NCBP1: variants seen among roughly 807,000 people sequenced by gnomAD.
NCBP1 encodes nuclear cap-binding protein subunit 1.
A neutral mutation model predicts 111.7 loss-of-function variants in NCBP1; 16 were observed. That is an observed-to-expected ratio of 0.14 (90% CI 0.10 to 0.22). NCBP1 has a LOEUF of 0.22. Among genes scored for constraint, NCBP1 ranks in the 10% least tolerant of loss-of-function variants. NCBP1 has a pLI of 1.00. For missense variants in NCBP1, 607 were observed against 957.5 expected (o/e 0.63, Z 4.83); for synonymous variants, 304 against 314.3 (o/e 0.97, Z 0.35).
intron 8 of NCBP1, among the ~76,000 whole-genome samples, chr9:97,648,682 A>G (rs1827414527): frequency 1.3e-5 from 2 of 152,210 alleles, no homozygotes; most frequent in East Asian, 3.8e-4. Flanking sequence ...TGTCTGTCAC[A>G]TGATGAATGC....
At chr9:97,657,156 CG>C (rs1180471733) in intron 14 of NCBP1, among the ~76,000 whole-genome samples, 1 of 151,972 alleles carries the variant, frequency 6.6e-6, no homozygotes, top group Non-Finnish European at 1.5e-5. Context: ...TTAGTAGAGA[CG>C]GGGTTTCACT....
intron 1 of NCBP1, among the ~76,000 whole-genome samples, chr9:97,637,126 G>C (rs1442023220): frequency 6.6e-6 from 1 of 152,098 alleles, no homozygotes; most frequent in Non-Finnish European, 1.5e-5. Context: ...ATAGCAGAGG[G>C]TTGCATCTTA....
chr9:97,669,712 T>G lies in NCBP1; in HGVS notation c.2259+6T>G, dbSNP rs761869923. 2.6e-6 allele frequency: 4 copies of G among 1,541,476 alleles called. No individual in the cohort carries two copies. Among genetic ancestry groups the G allele is most frequent in the Non-Finnish European group, 3.6e-6 (4 of 1,113,894 alleles). On this transcript the variant is annotated splice_donor_region_variant and intron_variant, in intron 22 of 22. Coordinates refer to ENST00000375147, the MANE Select transcript of NCBP1 (RefSeq NM_002486.5). ...TGCAGCAGATCTTCCTACAGGTATGTGGGGAACTTCGATTAGGTAATAACA... is the reference window on the plus strand; with the variant it reads ...TGCAGCAGATCTTCCTACAGGTATGGGGGGAACTTCGATTAGGTAATAACA...
At position 97,666,798 on chromosome 9, in the gene NCBP1, G is replaced by A. The variant is rs372649867; in HGVS notation, c.1937G>A (p.Arg646His). 3.7e-6 allele frequency: 6 copies of A among 1,608,004 alleles called. No individual in the cohort carries two copies. Among genetic ancestry groups the A allele is most frequent in the South Asian group, 1.1e-5 (1 of 89,512 alleles). The change falls in exon 20 of 23, where the codon CGT (arginine) becomes CAT (histidine). Residue 646 changes from arginine to histidine, a missense_variant. Physicochemically the swap from Arg to His is conservative, Grantham distance 29. This residue lies in a region of NCBP1 where 282 missense variants were observed against 376.5 expected (regional missense o/e 0.75). Transcript: ENST00000375147. ...FVWEILHSTI[R>H]KMNKHVLKIQ... ...TGGGAAATTTTGCACTCTACAATTC[G>A]TAAGATGAACAAACATGTCCTGAAG...
intron 19 of NCBP1, 67 bp from the exon 20 acceptor site, chr9:97,666,696 G>A: frequency 9.1e-7 from 1 of 1,096,322 alleles, no homozygotes; most frequent in Admixed American, 2.6e-5. Context: ...AATTACAAAA[G>A]TTGAAAGATT....
At chr9:97,644,825 A>C (rs1219675449) in intron 4 of NCBP1, among the ~76,000 whole-genome samples, 3 of 152,248 alleles carry the variant, frequency 2.0e-5, no homozygotes, top group Non-Finnish European at 4.4e-5. Context: ...AACCATAGAC[A>C]ATATGTAACT....
intron 10 of NCBP1, among the ~76,000 whole-genome samples, chr9:97,651,656 A>T (rs1023408852): frequency 6.6e-6 from 1 of 152,192 alleles, no homozygotes; most frequent in South Asian, 2.1e-4. Flanking sequence ...TGGATAATGT[A>T]AGTTACCTCT....
chr9:97,660,958 G>A lies in NCBP1; in HGVS notation c.1490G>A (p.Gly497Glu). 6.2e-7 allele frequency: 1 copy of A among 1,610,428 alleles called. No individual in the cohort carries two copies. Among genetic ancestry groups the A allele is most frequent in the Non-Finnish European group, 8.5e-7 (1 of 1,178,760 alleles). Residue 497 changes from glycine to glutamate, a missense_variant, in exon 16 of 23, where the codon GGA (glycine) becomes GAA (glutamate). Gly to Glu is a moderately conservative substitution (Grantham distance 98). Coordinates refer to ENST00000375147, the MANE Select transcript of NCBP1 (RefSeq NM_002486.5). ...YGDESSNSLP[G>E]HSVALCLAVA... Reference sequence around the variant, plus strand: ...ATTCTGTGTTTAGATTCTCTTCCTGGACATTCTGTTGCCCTCTGTTTAGCT... The same window carrying A: ...ATTCTGTGTTTAGATTCTCTTCCTGAACATTCTGTTGCCCTCTGTTTAGCT...
chr9:97,645,371 T>G (rs1006540971), intron 5 of NCBP1, 147 bp downstream of exon 5: 3 of 761,288 alleles, frequency 3.9e-6, no homozygotes, highest in Non-Finnish European at 6.3e-6. Flanking sequence ...TTTAAGTTCT[T>G]ACTATCTAAA....
At chr9:97,636,006 C>T (rs559699186) in intron 1 of NCBP1, 2 of 152,298 alleles carry the variant, frequency 1.3e-5, no homozygotes, top group South Asian at 4.1e-4. Flanking sequence ...CAGCTGGCAG[C>T]CAAATCACTG....
At chr9:97,647,627 A>G in intron 7 of NCBP1, 66 bp downstream of exon 7, 4 of 1,331,850 alleles carry the variant, frequency 3.0e-6, no homozygotes, top group Non-Finnish European at 3.2e-6. Flanking sequence ...TTATCTCTGT[A>G]AGATACTCAG....
At chr9:97,670,895 AT>A (rs906628206) in intron 22 of NCBP1, among the ~76,000 whole-genome samples, 190 bp from the exon 23 acceptor site, 1 of 151,752 alleles carries the variant, frequency 6.6e-6, no homozygotes, top group East Asian at 1.9e-4. Context: ...TTGAGCATCC[AT>A]TTTTTTCATT....
At chr9:97,661,838 T>TA (rs1481565356) in intron 16 of NCBP1, among the ~76,000 whole-genome samples, 7 of 148,244 alleles carry the variant, frequency 4.7e-5, no homozygotes, top group African/African-American at 1.2e-4. Context: ...GACAGTCACA[T>TA]AAAACTAAGA....
intron 19 of NCBP1, among the ~76,000 whole-genome samples, chr9:97,665,680 TG>T (rs899792135): frequency 2.6e-5 from 4 of 152,320 alleles, no homozygotes; most frequent in Admixed American, 2.0e-4. Context: ...AACTATTATT[TG>T]GGTCAAAATT....
At chr9:97,664,213 A>C (rs1827925699) in intron 18 of NCBP1, 127 bp from the exon 19 acceptor site, 1 of 552,002 alleles carries the variant, frequency 1.8e-6, no homozygotes, top group African/African-American at 1.9e-5. Context: ...TGATCAATCA[A>C]TTCCATAGCC....
chr9:97,660,828 G>A, intron 15 of NCBP1, 118 bp from the exon 16 acceptor site: 1 of 1,193,818 alleles, frequency 8.4e-7, no homozygotes, highest in South Asian at 1.7e-5. Flanking sequence ...TTGGGATAAA[G>A]AGCATCCTAT....
At chr9:97,645,255 G>A in intron 5 of NCBP1, 31 bp downstream of exon 5, 3 of 1,489,672 alleles carry the variant, frequency 2.0e-6, no homozygotes, top group Non-Finnish European at 1.9e-6. Context: ...GAATCTTGAG[G>A]GGTTCTTGAG....
chr9:97,636,672 AT>A (rs1191309307), intron 1 of NCBP1, among the ~76,000 whole-genome samples: 15 of 136,436 alleles, frequency 1.1e-4, no homozygotes, highest in East Asian at 6.0e-4. Flanking sequence ...ATATATATAT[AT>A]AAAATCATTT....
rs545175247 is a variant in NCBP1 at position 97,657,990 on chromosome 9, C to T, written c.1374-650C>T. Among the ~76,000 whole-genome samples, 6 of 144,202 alleles carry T rather than the reference C, an allele frequency of 4.2e-5. No homozygotes were observed. In the East Asian group the frequency reaches 1.3e-3, roughly 30 times the overall value. 94.6% of individuals were successfully genotyped at this position (144,202 alleles called of 152,430 possible). A position where few individuals can be genotyped will look rare whatever the true frequency, so the allele number is the denominator to read the frequency against. On this transcript the variant is annotated intron_variant, in intron 14 of 22. Coordinates refer to ENST00000375147, the MANE Select transcript of NCBP1 (RefSeq NM_002486.5). The stretch of plus-strand genomic sequence containing the variant: ...AGCATTCCCTTATTTTCTAGAACAA[C>T]ATATTTAGGATCATCTTGCGTTTTC...
Sources: allele counts gnomAD v4.1 joint callset (sites outside exome capture counted in the v4.1 genomes callset), GRCh38; gene constraint gnomAD v4.1.1; regional missense constraint gnomAD v4.1.1; transcripts MANE v1.5; gene names NCBI Gene and HGNC (gene_info 2026-07-23, HGNC 2026-07-21).